The following PPARGC1A variants were observed in gnomAD, a reference collection of about 807,000 sequenced individuals.
PPARGC1A encodes peroxisome proliferator-activated receptor gamma coactivator 1-alpha.
PPARGC1A carries 25 observed loss-of-function variants against 88.7 expected under a neutral mutation model. The observed-to-expected ratio is 0.28, with a 90% CI of 0.21 to 0.39. PPARGC1A has a LOEUF of 0.39. Ranked by LOEUF, PPARGC1A falls within the 10% of genes least tolerant of loss-of-function variation. PPARGC1A has a pLI of 1.00. For synonymous variants in PPARGC1A, 363 were observed against 355.6 expected, an observed-to-expected ratio of 1.02 and a Z score of -0.24; for missense variants, 880 against 968.7, an observed-to-expected ratio of 0.91 and a Z score of 1.22.
At chr4:23,954,767 T>C in the PPARGC1A span, among the ~76,000 whole-genome samples, 1 of 152,064 alleles carries the variant, frequency 6.6e-6, no homozygotes, top group African/African-American at 2.4e-5. Flanking sequence ...ACTTGCTGGA[T>C]ATCTGAGTCA....
At chr4:24,027,741 G>C in the PPARGC1A span, among the ~76,000 whole-genome samples, 1 of 152,108 alleles carries the variant, frequency 6.6e-6, no homozygotes, top group Non-Finnish European at 1.5e-5. Context: ...AGGTGCGAAG[G>C]AAAAATAGTC....
chr4:24,128,440 C>T, the PPARGC1A span, among the ~76,000 whole-genome samples: 5 of 151,936 alleles, frequency 3.3e-5, no homozygotes, highest in Non-Finnish European at 5.9e-5. Context: ...GTGACTCATG[C>T]TTCCAATCCT....
Position 23,829,028 on chromosome 4 carries a change from A to T in PPARGC1A, c.553-424T>A, listed in dbSNP as rs74690076. 2.8e-3 allele frequency among the ~76,000 whole-genome samples: 428 copies of T among 152,328 alleles called. 13 individuals are homozygous for T. In the East Asian group the frequency reaches 0.054, roughly 19 times the overall value. Reference sequence around the variant, plus strand: ...ATTGTTTAATACAGCCCACTAGCTGAATTATGGCATTGCCAGCATTCCATC... The same window carrying T: ...ATTGTTTAATACAGCCCACTAGCTGTATTATGGCATTGCCAGCATTCCATC... On this transcript the variant is annotated intron_variant, in intron 4 of 12. Transcript: ENST00000264867.
At chr4:23,871,151 C>A (rs1713275759) in intron 2 of PPARGC1A, among the ~76,000 whole-genome samples, 1 of 152,196 alleles carries the variant, frequency 6.6e-6, no homozygotes, top group East Asian at 1.9e-4. Flanking sequence ...TGTATCGAAA[C>A]ACAGAACATT....
At chr4:24,330,072 G>T in the PPARGC1A span, among the ~76,000 whole-genome samples, 15 of 152,092 alleles carry the variant, frequency 9.9e-5, no homozygotes, top group African/African-American at 3.1e-4. Flanking sequence ...TGTTCCATGT[G>T]CATTACTCAG....
At chr4:24,160,348 T>G in the PPARGC1A span, among the ~76,000 whole-genome samples, 1 of 152,224 alleles carries the variant, frequency 6.6e-6, no homozygotes, top group African/African-American at 2.4e-5. Context: ...TCTAGCATGT[T>G]ACTTGGTGAT....
the PPARGC1A span, among the ~76,000 whole-genome samples, chr4:24,111,007 T>G: frequency 6.6e-6 from 1 of 152,212 alleles, no homozygotes; most frequent in Non-Finnish European, 1.5e-5. Context: ...TGACTTTGAT[T>G]TTTTGATCAT....
the PPARGC1A span, among the ~76,000 whole-genome samples, chr4:23,935,909 A>C: frequency 5.3e-5 from 8 of 152,214 alleles, no homozygotes; most frequent in Non-Finnish European, 1.0e-4. Context: ...GTTAACATCT[A>C]AATGTTGAGC....
intron 7 of PPARGC1A, among the ~76,000 whole-genome samples, chr4:23,820,098 TG>T (rs948620307): frequency 7.2e-5 from 11 of 152,188 alleles, no homozygotes; most frequent in African/African-American, 2.7e-4. Context: ...AGTTACAAAT[TG>T]GTTAATGAGT....
the PPARGC1A span, among the ~76,000 whole-genome samples, chr4:24,440,238 A>G: frequency 6.6e-6 from 1 of 152,238 alleles, no homozygotes; most frequent in African/African-American, 2.4e-5. Flanking sequence ...TCTGCAGGGC[A>G]GGAAACTCTT....
At chr4:23,903,697 A>C (rs2946393), upstream of PPARGC1A, among the ~76,000 whole-genome samples, 1 of 151,906 alleles carries the variant, frequency 6.6e-6, no homozygotes, top group Non-Finnish European at 1.5e-5. Flanking sequence ...TAAAAATTAA[A>C]AAGAATGCAC....
At chr4:24,463,613 C>T in the PPARGC1A span, among the ~76,000 whole-genome samples, 1 of 152,200 alleles carries the variant, frequency 6.6e-6, no homozygotes. Context: ...ATTTATCCAA[C>T]ACATATGCTC....
At chr4:24,378,741 G>A in the PPARGC1A span, among the ~76,000 whole-genome samples, 1 of 152,068 alleles carries the variant, frequency 6.6e-6, no homozygotes, top group East Asian at 1.9e-4. Context: ...CATCTTCAAA[G>A]CACTTCACAA....
At chr4:24,441,326 G>T in the PPARGC1A span, among the ~76,000 whole-genome samples, 1,343 of 152,208 alleles carry the variant, frequency 8.8e-3, 20 homozygotes, top group African/African-American at 0.03. Flanking sequence ...TAACCTAATT[G>T]TTTCTGTCCT....
At chr4:24,470,277 G>GACACACACACACACAC in the PPARGC1A span, among the ~76,000 whole-genome samples, 2,366 of 110,562 alleles carry the variant, frequency 0.021, 60 homozygotes, top group South Asian at 0.03. The surrounding 1 kb of genome is among the most constrained non-coding windows in gnomAD (Gnocchi z 5.8). Context: ...GACAGACACA[G>GACACACACACACACAC]ACACACACAC....
chr4:24,449,796 T>C, the PPARGC1A span, among the ~76,000 whole-genome samples: 2 of 152,236 alleles, frequency 1.3e-5, no homozygotes, highest in Non-Finnish European at 2.9e-5. Flanking sequence ...GCATCTATTA[T>C]AGGTCAACAA....
chr4:23,954,996 A>G, the PPARGC1A span, among the ~76,000 whole-genome samples: 3 of 152,076 alleles, frequency 2.0e-5, no homozygotes, highest in Non-Finnish European at 4.4e-5. Flanking sequence ...AGTGTAGCTA[A>G]TAAGAAAAGG....
the PPARGC1A span, among the ~76,000 whole-genome samples, chr4:24,101,135 T>A: frequency 1.8e-4 from 28 of 152,324 alleles, no homozygotes; most frequent in African/African-American, 6.5e-4. Context: ...TGGGAGGTGA[T>A]TGGAACACGG....
At chr4:24,180,288 A>G in the PPARGC1A span, among the ~76,000 whole-genome samples, 1 of 152,208 alleles carries the variant, frequency 6.6e-6, no homozygotes, top group Admixed American at 6.5e-5. Flanking sequence ...TCTTTCTTTA[A>G]ATGAAATTCA....
Sources: gnomAD v4.1 joint callset for allele counts (sites outside exome capture counted in the v4.1 genomes callset) on GRCh38, gnomAD v4.1.1 for gene constraint, Gnocchi (gnomAD v3.1) non-coding constraint, MANE v1.5 for transcripts, NCBI Gene and HGNC (gene_info 2026-07-23, HGNC 2026-07-21) for gene names.